Variants in OPCML observed in about 807,000 individuals in gnomAD.
The protein encoded by OPCML is opioid-binding protein/cell adhesion molecule.
In OPCML, 13 loss-of-function variants were observed where a neutral mutation model predicts 37.8. The ratio of observed to expected loss-of-function variants is 0.34; its 90% CI spans 0.22 to 0.55. OPCML has a LOEUF of 0.55. Among genes scored for constraint, OPCML ranks in the 20% least tolerant of loss-of-function variants. OPCML has a pLI of 0.91. For missense variants in OPCML, 341 were observed against 435.6 expected (o/e 0.78, Z 1.93); for synonymous variants, 176 against 168.8 (o/e 1.04, Z -0.33).
chr11:132,644,785 T>A (rs75586644), intron 3 of OPCML, among the ~76,000 whole-genome samples: 1 of 152,188 alleles, frequency 6.6e-6, no homozygotes, highest in African/African-American at 2.4e-5. Context: ...AATAATGACA[T>A]GAAGAGACAC....
At position 132,896,473 on chromosome 11, in the gene OPCML, A is replaced by G. The variant is rs541018168; in HGVS notation, c.146+46453T>C. Among the ~76,000 whole-genome samples, 117 of 152,328 alleles carry G rather than the reference A, an allele frequency of 7.7e-4. 2 individuals carry two copies. In the South Asian group the frequency reaches 0.024, roughly 32 times the overall value. On this transcript the variant is annotated intron_variant, in intron 2 of 7. Coordinates refer to ENST00000524381, the MANE Select transcript of OPCML (RefSeq NM_001012393.5). Reference sequence around the variant, plus strand: ...TGACGGCACTCAACCGTCAAAGACAAGTTGAATGCAGTTTTCAAAATGGTA... The same window carrying G: ...TGACGGCACTCAACCGTCAAAGACAGGTTGAATGCAGTTTTCAAAATGGTA...
intron 1 of OPCML, among the ~76,000 whole-genome samples, chr11:133,175,453 A>G (rs1950353301): frequency 6.7e-6 from 1 of 149,466 alleles, no homozygotes; most frequent in Admixed American, 6.7e-5. Flanking sequence ...ACTTTGGTAT[A>G]GGTCTACAAG....
chr11:132,433,333 A>T (rs1225287547), intron 7 of OPCML, among the ~76,000 whole-genome samples: 1 of 152,184 alleles, frequency 6.6e-6, no homozygotes, highest in Non-Finnish European at 1.5e-5. Flanking sequence ...CACAGGTCAG[A>T]AAATATCACC....
chr11:133,410,418 G>A (rs1945620822), intron 1 of OPCML, among the ~76,000 whole-genome samples: 1 of 151,998 alleles, frequency 6.6e-6, no homozygotes, highest in African/African-American at 2.4e-5. Flanking sequence ...TTGGGAGGCA[G>A]GAGGGGAAGA....
intron 1 of OPCML, among the ~76,000 whole-genome samples, chr11:133,414,756 C>T (rs189656439): frequency 1.2e-4 from 18 of 152,226 alleles, no homozygotes; most frequent in Non-Finnish European, 1.8e-4. Context: ...CACAGTGACG[C>T]GAACAGACTG....
intron 1 of OPCML, among the ~76,000 whole-genome samples, chr11:133,460,048 G>A (rs1198601172): frequency 6.6e-6 from 1 of 151,950 alleles, no homozygotes; most frequent in African/African-American, 2.4e-5. Context: ...GGAATGACGA[G>A]AAATTAACAA....
intron 1 of OPCML, among the ~76,000 whole-genome samples, chr11:133,190,540 TCA>T (rs752677137): frequency 1.3e-5 from 2 of 152,318 alleles, no homozygotes; most frequent in South Asian, 2.1e-4. Context: ...TTTAGTTTGT[TCA>T]CAGAGTTGTA....
intron 1 of OPCML, among the ~76,000 whole-genome samples, chr11:133,111,837 A>ATCTT (rs1274599023): frequency 2.6e-5 from 4 of 152,128 alleles, no homozygotes; most frequent in Non-Finnish European, 5.9e-5. Context: ...ATTTGATTAG[A>ATCTT]TTTCCACCTT....
At chr11:133,233,916 A>G (rs750666607) in intron 1 of OPCML, among the ~76,000 whole-genome samples, 2 of 152,170 alleles carry the variant, frequency 1.3e-5, no homozygotes, top group South Asian at 2.1e-4. Context: ...GCCCAGACCA[A>G]TTGACCAGCT....
At chr11:133,434,849 A>T (rs1018900370) in intron 1 of OPCML, among the ~76,000 whole-genome samples, 3 of 147,410 alleles carry the variant, frequency 2.0e-5, no homozygotes, top group Admixed American at 6.8e-5. Flanking sequence ...TATTTAATAT[A>T]TATTCAATAT....
At chr11:133,161,540 A>T (rs1299905713) in intron 1 of OPCML, among the ~76,000 whole-genome samples, 1 of 152,222 alleles carries the variant, frequency 6.6e-6, no homozygotes, top group African/African-American at 2.4e-5. Context: ...CTGGCAGGAC[A>T]GCTTAGGGAA....
chr11:132,901,112 G>A (rs554816731), intron 2 of OPCML, among the ~76,000 whole-genome samples: 8 of 152,062 alleles, frequency 5.3e-5, no homozygotes, highest in East Asian at 3.9e-4. Context: ...CCCGGGAGGC[G>A]GAGGTTACAG....
intron 1 of OPCML, among the ~76,000 whole-genome samples, chr11:132,947,012 G>T (rs1176936006): frequency 3.3e-5 from 5 of 152,186 alleles, no homozygotes; most frequent in African/African-American, 4.8e-5. Context: ...ACACAGGTGG[G>T]TGGCAGCCGT....
rs1256590648 is a variant in OPCML at position 133,211,325 on chromosome 11, T to TAATAGTA, written c.62-268316_62-268315insTACTATT. On this transcript the variant is annotated intron_variant, in intron 1 of 7. Transcript: ENST00000524381. The surrounding 1 kb of genome is among the most constrained non-coding windows in gnomAD (Gnocchi z 4.1). The stretch of plus-strand genomic sequence containing the variant: ...CACCTAAAAATCCACTCTTTAAGCA[T>TAATAGTA]AATAGTCTATTGATTACCTCAGTTA... 6.6e-6 allele frequency among the ~76,000 whole-genome samples: 1 copy of TAATAGTA among 152,164 alleles called. No individual in the cohort carries two copies. Among genetic ancestry groups the TAATAGTA allele is most frequent in the Non-Finnish European group, 1.5e-5 (1 of 68,026 alleles).
intron 1 of OPCML, among the ~76,000 whole-genome samples, chr11:132,947,641 TAGAAAC>T (rs1371552688): frequency 1.3e-5 from 2 of 152,178 alleles, no homozygotes. Flanking sequence ...AAATTGAAAT[TAGAAAC>T]AGAAAATGAG....
At chr11:132,512,687 T>C (rs2096271437) in intron 4 of OPCML, among the ~76,000 whole-genome samples, 1 of 151,918 alleles carries the variant, frequency 6.6e-6, no homozygotes, top group South Asian at 2.1e-4. Flanking sequence ...TTTAAATATA[T>C]ATTTGTGTCA....
At chr11:132,841,024 G>A (rs534923516) in intron 2 of OPCML, among the ~76,000 whole-genome samples, 3 of 152,186 alleles carry the variant, frequency 2.0e-5, no homozygotes, top group East Asian at 1.9e-4. Context: ...CCTCAGAGTC[G>A]TCATCGTTCA....
intron 1 of OPCML, among the ~76,000 whole-genome samples, chr11:133,279,667 C>A (rs1565545667): frequency 6.6e-6 from 1 of 152,148 alleles, no homozygotes; most frequent in Non-Finnish European, 1.5e-5. Flanking sequence ...GTGTCTCTAC[C>A]AGCCTGGCCA....
chr11:132,757,129 C>A (rs1186552846), intron 2 of OPCML, among the ~76,000 whole-genome samples: 1 of 152,196 alleles, frequency 6.6e-6, no homozygotes, highest in Non-Finnish European at 1.5e-5. Context: ...AGGACATGAA[C>A]TCATCCTTTT....
Sources: allele counts gnomAD v4.1 joint callset (sites outside exome capture counted in the v4.1 genomes callset), GRCh38; gene constraint gnomAD v4.1.1; non-coding constraint Gnocchi (gnomAD v3.1); transcripts MANE v1.5; gene names NCBI Gene and HGNC (gene_info 2026-07-23, HGNC 2026-07-21).